The following STRBP variants were observed in gnomAD, a reference collection of about 807,000 sequenced individuals.
STRBP encodes the protein spermatid perinuclear RNA binding protein, also known as spermatid perinuclear RNA-binding protein.
STRBP carries 13 observed loss-of-function variants against 80.1 expected under a neutral mutation model. The observed-to-expected ratio is 0.16, with a 90% CI of 0.11 to 0.26. STRBP has a LOEUF of 0.26. STRBP is among the 10% of genes least tolerant of loss of function. The probability of loss-of-function intolerance (pLI) is 1.00; values close to 1 mark genes in which losing one functional copy is unlikely to be tolerated. For missense variants in STRBP, 485 were observed against 815.2 expected, an observed-to-expected ratio of 0.59 and a Z score of 4.93; for synonymous variants, 284 against 291.2, an observed-to-expected ratio of 0.98 and a Z score of 0.25.
At chr9:123,190,539 C>CT (rs1450885785) in intron 2 of STRBP, among the ~76,000 whole-genome samples, 6 of 152,082 alleles carry the variant, frequency 3.9e-5, no homozygotes, top group African/African-American at 1.4e-4. Flanking sequence ...AAATCCTCAC[C>CT]TAGTTCCAAA....
intron 2 of STRBP, among the ~76,000 whole-genome samples, chr9:123,201,001 G>T (rs1564292922): frequency 6.6e-6 from 1 of 151,656 alleles, no homozygotes; most frequent in Non-Finnish European, 1.5e-5. Flanking sequence ...ATTTCCTCTG[G>T]CTTTTCTAGT....
chr9:123,170,699 A>G (rs776594029), intron 5 of STRBP, among the ~76,000 whole-genome samples: 1 of 152,240 alleles, frequency 6.6e-6, no homozygotes, highest in Non-Finnish European at 1.5e-5. Context: ...GCTTCTTTTA[A>G]CATACAAATA....
chr9:123,207,394 G>C (rs976182685), intron 2 of STRBP, among the ~76,000 whole-genome samples: 9 of 152,204 alleles, frequency 5.9e-5, no homozygotes, highest in African/African-American at 2.2e-4. Context: ...GAAAAAGCTA[G>C]TTGCAGAATA....
At chr9:123,118,633 A>T (rs568022983), downstream of STRBP, among the ~76,000 whole-genome samples, 21 of 152,386 alleles carry the variant, frequency 1.4e-4, no homozygotes, top group South Asian at 8.3e-4. Flanking sequence ...CTTTTGCAGG[A>T]CATTAGCTAA....
At chr9:123,125,878 A>G (rs2035875091) in intron 18 of STRBP, among the ~76,000 whole-genome samples, 1 of 152,218 alleles carries the variant, frequency 6.6e-6, no homozygotes, top group African/African-American at 2.4e-5. Flanking sequence ...AATATTTTCC[A>G]CTCTCAAAAT....
At chr9:123,231,286 C>A (rs2040391551) in intron 2 of STRBP, among the ~76,000 whole-genome samples, 1 of 152,184 alleles carries the variant, frequency 6.6e-6, no homozygotes, top group Non-Finnish European at 1.5e-5. Flanking sequence ...CTTCCAACTG[C>A]CTTCCACACA....
chr9:123,169,055 A>C (rs56312512), intron 6 of STRBP, among the ~76,000 whole-genome samples: 4,958 of 152,246 alleles, frequency 0.033, 153 homozygotes, highest in Non-Finnish European at 0.039. Flanking sequence ...CATTAAAAAA[A>C]TTCAGTCCCC....
chr9:123,169,845 G>A, intron 6 of STRBP, 57 bp downstream of exon 6: 1 of 1,076,610 alleles, frequency 9.3e-7, no homozygotes, highest in Non-Finnish European at 1.2e-6. Context: ...TTTATATGAA[G>A]AAAACAAACA....
Position 123,154,387 on chromosome 9 carries a change from T to C in STRBP, c.1045+3625A>G, listed in dbSNP as rs568888467. Among the ~76,000 whole-genome samples the C allele has an allele frequency of 9.2e-5, 14 of 152,132 alleles. No individual in the cohort carries two copies. In the South Asian group the frequency reaches 2.9e-3, roughly 32 times the overall value. On this transcript the variant is annotated intron_variant, in intron 11 of 18. Coordinates refer to ENST00000348403, the MANE Select transcript of STRBP (RefSeq NM_018387.5). ...AAAGTTCCAGGCAAACTCAAATTAT[T>C]TAGGAAAGCATACACAAGTGGGAAA...
chr9:123,162,164 T>G (rs2037548407), intron 6 of STRBP, among the ~76,000 whole-genome samples: 1 of 152,206 alleles, frequency 6.6e-6, no homozygotes, highest in African/African-American at 2.4e-5. Flanking sequence ...ACAAAGATAC[T>G]TTTTGATTTC....
intron 2 of STRBP, among the ~76,000 whole-genome samples, chr9:123,227,191 A>C (rs1010732652): frequency 6.6e-6 from 1 of 152,234 alleles, no homozygotes; most frequent in South Asian, 2.1e-4. Flanking sequence ...ATCAATGTTA[A>C]ATGTTATGCA....
intron 6 of STRBP, among the ~76,000 whole-genome samples, chr9:123,162,327 C>A (rs1336300443): frequency 6.6e-6 from 1 of 151,924 alleles, no homozygotes; most frequent in Admixed American, 6.6e-5. Flanking sequence ...CAGGCTCAAG[C>A]GATCCTCCCA....
chr9:123,191,818 T>C (rs1259972576), intron 2 of STRBP, among the ~76,000 whole-genome samples: 1 of 152,198 alleles, frequency 6.6e-6, no homozygotes, highest in Non-Finnish European at 1.5e-5. Context: ...TTGAAGACTG[T>C]AGCTTTTACT....
In STRBP at chr9:123,136,051, ATCT is replaced by A; in HGVS notation, c.1760_1762del (p.Lys587del). ...AATGTTTACTCATACCTGAGGGATAATCTTCTTTTTCTTATTATTTGCCGCATT... is the reference window on the plus strand; with the variant it reads ...AATGTTTACTCATACCTGAGGGATAATCTTTTTCTTATTATTTGCCGCATT... On this transcript the variant is annotated inframe_deletion, in exon 16 of 19. Transcript: ENST00000348403. This position sits in a 1 kb window ranked among gnomAD's most constrained non-coding sequence, Gnocchi z 4.2. 6.2e-7 allele frequency: 1 copy of A among 1,614,136 alleles called. No individual in the cohort carries two copies.
At chr9:123,165,682 C>G (rs927537497) in intron 6 of STRBP, among the ~76,000 whole-genome samples, 1 of 152,174 alleles carries the variant, frequency 6.6e-6, no homozygotes, top group African/African-American at 2.4e-5. Flanking sequence ...AATTGAGACT[C>G]TGTGTGAAGC....
At chr9:123,214,597 T>G (rs2039830177) in intron 2 of STRBP, among the ~76,000 whole-genome samples, 1 of 152,188 alleles carries the variant, frequency 6.6e-6, no homozygotes, top group Admixed American at 6.5e-5. Flanking sequence ...ATAAAGGTTC[T>G]GCAAAACAGA....
At position 123,110,952 on chromosome 9, in the gene STRBP, C is replaced by T. The variant is rs1422700929; in HGVS notation, c.*85-1199G>A. 5.9e-6 allele frequency: 1 copy of T among 168,642 alleles called. No individual in the cohort carries two copies. The highest frequency in any genetic ancestry group is 1.5e-5 in the Non-Finnish European group (1 of 68,198). 10.4% of individuals were successfully genotyped at this position (168,642 alleles called of 1,614,324 possible). A position where few individuals can be genotyped will look rare whatever the true frequency, so the allele number is the denominator to read the frequency against. ...AAATGGGGGTGCGCAGTGAACAGAA[C>T]CTGCTTGTGCAAGGCCGGCCTGACC... On this transcript the variant is annotated intron_variant and NMD_transcript_variant, in intron 3 of 3. Transcript: ENST00000471564. This position sits in a 1 kb window ranked among gnomAD's most constrained non-coding sequence, Gnocchi z 4.1.
chr9:123,193,044 C>T (rs2038979222), intron 2 of STRBP, among the ~76,000 whole-genome samples: 1 of 152,164 alleles, frequency 6.6e-6, no homozygotes, highest in Non-Finnish European at 1.5e-5. Flanking sequence ...AGCCACTACG[C>T]CATCATGATT....
Position 123,159,243 on chromosome 9 carries a change from C to T in STRBP, c.724-36G>A, listed in dbSNP as rs758987009. The T allele has an allele frequency of 2.8e-6, 4 of 1,447,682 alleles. No homozygotes were observed. In the Admixed American group the frequency reaches 6.8e-5, roughly 25 times the overall value. The allele number at this position is 1,447,682 out of a possible 1,614,324, so 89.7% of individuals were successfully genotyped here. ...TTAAATTACAAATTAGTACATGCACCAAGTGTTAAAAGGATTCCAGTTAAA... is the reference window on the plus strand; with the variant it reads ...TTAAATTACAAATTAGTACATGCACTAAGTGTTAAAAGGATTCCAGTTAAA... On this transcript the variant is annotated intron_variant, in intron 8 of 18. Transcript: ENST00000348403.
Sources: allele counts gnomAD v4.1 joint callset (sites outside exome capture counted in the v4.1 genomes callset), GRCh38; gene constraint gnomAD v4.1.1; non-coding constraint Gnocchi (gnomAD v3.1); transcripts MANE v1.5; gene names NCBI Gene and HGNC (gene_info 2026-07-23, HGNC 2026-07-21).